The following CUX1 variants were observed in gnomAD, a reference collection of about 807,000 sequenced individuals.
CUX1 encodes protein CASP.
A neutral mutation model predicts 158.8 loss-of-function variants in CUX1; 31 were observed. That is an observed-to-expected ratio of 0.20 (90% CI 0.15 to 0.26). The LOEUF (loss-of-function observed/expected upper bound fraction) is 0.26, where lower values mean the gene tolerates loss of function less well. Ranked by LOEUF, CUX1 falls within the 10% of genes least tolerant of loss-of-function variation. CUX1 has a pLI of 1.00. For missense variants in CUX1, 1,589 were observed against 2,014.6 expected, an observed-to-expected ratio of 0.79 and a Z score of 4.04; for synonymous variants, 879 against 862.1, an observed-to-expected ratio of 1.02 and a Z score of -0.34.
rs1165113239 is a variant in CUX1, at chr7:102,276,483, G to T, written c.1563+1124G>T. Among the ~76,000 whole-genome samples the T allele has an allele frequency of 1.1e-4, 17 of 152,242 alleles. No homozygotes were observed. The South Asian group carries it at 3.1e-3, about 28-fold the overall frequency. On this transcript the variant is annotated intron_variant, in intron 17 of 22. Coordinates refer to the CUX1 transcript ENST00000292538. ...CACCCAGCTAATTTTTGTATTTTTA[G>T]TAGAGACAGGATTTCTCCATATTGG...
chr7:101,861,408 C>A (rs927971929), intron 1 of CUX1, among the ~76,000 whole-genome samples: 1 of 152,204 alleles, frequency 6.6e-6, no homozygotes, highest in African/African-American at 2.4e-5. Flanking sequence ...GTAACAGGTG[C>A]AAATTTGCAA....
At chr7:102,035,760 A>T (rs866378793) in intron 3 of CUX1, among the ~76,000 whole-genome samples, 1 of 151,854 alleles carries the variant, frequency 6.6e-6, no homozygotes, top group African/African-American at 2.4e-5. Flanking sequence ...AGGAGAGTTA[A>T]ATGGAGAGAG....
chr7:102,179,045 T>C (rs767093102), intron 11 of CUX1, among the ~76,000 whole-genome samples: 1 of 151,980 alleles, frequency 6.6e-6, no homozygotes, highest in Non-Finnish European at 1.5e-5. Context: ...GTTTATTTAT[T>C]TATTCATTCA....
intron 1 of CUX1, among the ~76,000 whole-genome samples, chr7:101,836,284 C>T (rs1317350247): frequency 6.6e-6 from 1 of 152,140 alleles, no homozygotes; most frequent in African/African-American, 2.4e-5. Flanking sequence ...TCAGATTTCT[C>T]CTGGGGTGCA....
At chr7:101,836,702 A>T (rs1184083975) in intron 1 of CUX1, among the ~76,000 whole-genome samples, 1 of 151,468 alleles carries the variant, frequency 6.6e-6, no homozygotes, top group African/African-American at 2.4e-5. Flanking sequence ...AAAAAAAAAA[A>T]AAAAGAATCC....
chr7:101,876,542 A>G (rs1004212226), intron 1 of CUX1, among the ~76,000 whole-genome samples: 1 of 151,464 alleles, frequency 6.6e-6, no homozygotes, highest in Non-Finnish European at 1.5e-5. Context: ...TAAAATAGAA[A>G]AAATTAGCCA....
intron 13 of CUX1, 21 bp downstream of exon 13, chr7:102,193,911 G>A: frequency 6.2e-7 from 1 of 1,613,252 alleles, no homozygotes; most frequent in South Asian, 1.1e-5. Flanking sequence ...CACCTCAATG[G>A]TCAGCACTAG....
Position 102,250,062 on chromosome 7 carries a change from GAA to G in CUX1, c.*1031_*1032del, listed in dbSNP as rs556237321. The G allele has an allele frequency of 3.7e-5, 30 of 802,614 alleles. No homozygotes were observed. The highest frequency in any genetic ancestry group is 2.1e-4 in the African/African-American group (10 of 48,774). The allele number at this position is 802,614 out of a possible 1,614,324, so 49.7% of individuals were successfully genotyped here. On this transcript the variant is annotated 3_prime_UTR_variant, in exon 24 of 24. Transcript: ENST00000292535. Reference sequence around the variant, plus strand: ...TCAGGACAAAAAAAAGAAAAAAAAAGAAAAAAAAAAAAGAAAAGATCCGAATC... The same window carrying G: ...TCAGGACAAAAAAAAGAAAAAAAAAGAAAAAAAAAAGAAAAGATCCGAATC...
intron 1 of CUX1, among the ~76,000 whole-genome samples, chr7:101,823,481 C>T (rs770770206): frequency 1.3e-5 from 2 of 152,108 alleles, no homozygotes; most frequent in South Asian, 2.1e-4. Context: ...GGGCCCTGGC[C>T]GACTCCATCA....
chr7:102,070,466 G>A (rs1310407563), intron 4 of CUX1, 49 bp downstream of exon 4: 1 of 1,454,832 alleles, frequency 6.9e-7, no homozygotes. Context: ...TGTGTCTGGT[G>A]AGTCGGTGGG....
At chr7:102,149,882 C>T (rs1447375032) in intron 8 of CUX1, among the ~76,000 whole-genome samples, 1 of 152,116 alleles carries the variant, frequency 6.6e-6, no homozygotes, top group Non-Finnish European at 1.5e-5. Flanking sequence ...CAGGGTCCAG[C>T]GAGCCCCACC....
At chr7:102,140,180 A>G (rs1480963604) in intron 8 of CUX1, among the ~76,000 whole-genome samples, 4 of 152,142 alleles carry the variant, frequency 2.6e-5, no homozygotes, top group African/African-American at 7.2e-5. Context: ...ATAAAGCCCA[A>G]CTCTTCAATA....
intron 1 of CUX1, among the ~76,000 whole-genome samples, chr7:101,902,078 T>G (rs185800986): frequency 4.6e-5 from 7 of 152,238 alleles, no homozygotes; most frequent in African/African-American, 1.7e-4. Context: ...CCCCGTCTCG[T>G]TTTTCACTGA....
At chr7:102,024,633 A>C (rs939059512) in intron 2 of CUX1, among the ~76,000 whole-genome samples, 1 of 151,826 alleles carries the variant, frequency 6.6e-6, no homozygotes, top group African/African-American at 2.4e-5. Context: ...AGCCATAGCT[A>C]TTCTTCCATT....
At chr7:101,833,247 A>AG (rs1794257332) in intron 1 of CUX1, among the ~76,000 whole-genome samples, 1 of 151,144 alleles carries the variant, frequency 6.6e-6, no homozygotes, top group East Asian at 1.9e-4. Flanking sequence ...CAGAAAAAAA[A>AG]AAAGAAAAGA....
At chr7:102,226,014 C>A (rs977216132) in intron 20 of CUX1, among the ~76,000 whole-genome samples, 1 of 152,272 alleles carries the variant, frequency 6.6e-6, no homozygotes, top group Non-Finnish European at 1.5e-5. Flanking sequence ...CATCTTCCTC[C>A]AGGACAGTTT....
intron 3 of CUX1, among the ~76,000 whole-genome samples, chr7:102,028,977 C>T (rs1310796417): frequency 6.8e-6 from 1 of 147,730 alleles, no homozygotes; most frequent in African/African-American, 2.5e-5. Context: ...CATATTGGTA[C>T]AGTCTTAGGG....
intron 2 of CUX1, among the ~76,000 whole-genome samples, chr7:101,928,616 G>A (rs546418477): frequency 4.7e-5 from 7 of 150,040 alleles, no homozygotes; most frequent in African/African-American, 7.4e-5. Flanking sequence ...TGCCCGCCTC[G>A]GCCTCCCAAA....
chr7:102,079,299 A>G (rs1827103701), intron 4 of CUX1, among the ~76,000 whole-genome samples: 2 of 152,062 alleles, frequency 1.3e-5, no homozygotes, highest in Non-Finnish European at 1.5e-5. Flanking sequence ...TTGGCCGAGC[A>G]TGGTGGCGTG....
Sources: allele counts gnomAD v4.1 joint callset (sites outside exome capture counted in the v4.1 genomes callset), GRCh38; gene constraint gnomAD v4.1.1; transcripts MANE v1.5; gene names NCBI Gene and HGNC (gene_info 2026-07-23, HGNC 2026-07-21).